Variants in CSGALNACT1 observed in about 807,000 individuals in gnomAD.
CSGALNACT1 encodes beta4GalNAcT-1.
Under a neutral mutation model 51.0 loss-of-function variants are expected in CSGALNACT1, and 52 were observed. That is an observed-to-expected ratio of 1.02 (90% CI 0.82 to 1.29). CSGALNACT1 has a LOEUF of 1.29. CSGALNACT1 is among the 50% of genes most tolerant of loss of function. The pLI, the probability that CSGALNACT1 is intolerant of heterozygous loss-of-function variation, is 0.00. For synonymous variants in CSGALNACT1, 341 were observed against 254.4 expected, an observed-to-expected ratio of 1.34 and a Z score of -3.24; for missense variants, 935 against 679.2, an observed-to-expected ratio of 1.38 and a Z score of -4.19.
chr8:19,603,061 C>T (rs1234824856), upstream of CSGALNACT1, among the ~76,000 whole-genome samples: 13 of 143,954 alleles, frequency 9.0e-5, no homozygotes, highest in African/African-American at 3.5e-4. Context: ...CACACACACA[C>T]ACACACACAC....
intron 5 of CSGALNACT1, among the ~76,000 whole-genome samples, chr8:19,448,842 G>C (rs1427456197): frequency 2.0e-5 from 3 of 152,186 alleles, no homozygotes; most frequent in African/African-American, 4.8e-5. Context: ...ACATGTAAAA[G>C]ACCTGATGTT....
chr8:19,420,296 G>C, intron 7 of CSGALNACT1, 44 bp downstream of exon 6: 2 of 1,596,526 alleles, frequency 1.3e-6, no homozygotes. Context: ...ATGGGCCCGA[G>C]AGGGCTGGGG....
At chr8:19,448,323 A>G (rs1239678815) in intron 5 of CSGALNACT1, among the ~76,000 whole-genome samples, 2 of 152,232 alleles carry the variant, frequency 1.3e-5, no homozygotes, top group African/African-American at 4.8e-5. Flanking sequence ...AGGAAGAGTT[A>G]CAAAGGATGA....
exon 9 of CSGALNACT1, chr8:19,408,644 C>T (rs202161653): frequency 7.4e-6 from 12 of 1,613,842 alleles, no homozygotes; most frequent in Middle Eastern, 1.6e-4. Flanking sequence ...GATACTGACA[C>T]GTCATCCCAA....
intron 5 of CSGALNACT1, among the ~76,000 whole-genome samples, chr8:19,446,220 A>C (rs2062088742): frequency 6.6e-6 from 1 of 152,120 alleles, no homozygotes; most frequent in Non-Finnish European, 1.5e-5. Flanking sequence ...AGAAAGGAGG[A>C]AAATGGTATT....
intron 3 of CSGALNACT1, among the ~76,000 whole-genome samples, chr8:19,584,683 T>C (rs2046263263): frequency 6.6e-6 from 1 of 152,232 alleles, no homozygotes; most frequent in Non-Finnish European, 1.5e-5. Flanking sequence ...TCTAACTGGC[T>C]ATGATATTGT....
intron 1 of CSGALNACT1, among the ~76,000 whole-genome samples, chr8:19,719,786 C>T (rs1055397913): frequency 9.1e-6 from 1 of 109,422 alleles, no homozygotes; most frequent in African/African-American, 3.8e-5. Context: ...TGAGTAGCAC[C>T]CCAATTTTGC....
intron 3 of CSGALNACT1, among the ~76,000 whole-genome samples, chr8:19,523,588 C>T (rs1001985423): frequency 6.6e-6 from 1 of 152,122 alleles, no homozygotes; most frequent in Non-Finnish European, 1.5e-5. Flanking sequence ...ACTATTCACA[C>T]CCAGGCTACA....
intron 1 of CSGALNACT1, among the ~76,000 whole-genome samples, chr8:19,618,570 G>A (rs188852253): frequency 7.9e-6 from 1 of 126,040 alleles, no homozygotes. Context: ...AACCTGGAAG[G>A]GGAATGAGCC....
chr8:19,731,476 C>G (rs1399109918), intron 1 of CSGALNACT1, among the ~76,000 whole-genome samples: 1 of 152,190 alleles, frequency 6.6e-6, no homozygotes, highest in Non-Finnish European at 1.5e-5. Context: ...CCACTGCATT[C>G]TAGCCTGGAC....
intron 3 of CSGALNACT1, among the ~76,000 whole-genome samples, chr8:19,507,616 C>CT (rs2077613057): frequency 6.6e-6 from 1 of 150,382 alleles, no homozygotes; most frequent in Non-Finnish European, 1.5e-5. Flanking sequence ...ATGAAACCTT[C>CT]CTAAATGCAT....
chr8:19,532,452 C>G (rs1352811696), intron 3 of CSGALNACT1, among the ~76,000 whole-genome samples: 1 of 152,160 alleles, frequency 6.6e-6, no homozygotes. Context: ...TTTCTATTCC[C>G]TTAAACATCT....
At chr8:19,624,536 A>T (rs2054209289) in intron 1 of CSGALNACT1, among the ~76,000 whole-genome samples, 2 of 152,138 alleles carry the variant, frequency 1.3e-5, no homozygotes, top group African/African-American at 4.8e-5. Flanking sequence ...CATGCCCCCA[A>T]ATCTCAGTGG....
intron 2 of CSGALNACT1, among the ~76,000 whole-genome samples, chr8:19,599,565 G>T (rs994893555): frequency 6.8e-6 from 1 of 147,696 alleles, no homozygotes; most frequent in Non-Finnish European, 1.5e-5. Context: ...GAAAGGGAAA[G>T]AAAGAAAGAG....
intron 1 of CSGALNACT1, among the ~76,000 whole-genome samples, chr8:19,689,677 T>G (rs2061180434): frequency 6.6e-6 from 1 of 152,190 alleles, no homozygotes; most frequent in Non-Finnish European, 1.5e-5. Flanking sequence ...GCTCTAGGCT[T>G]CAACAGATCC....
chr8:19,639,226 T>C (rs946292445), intron 1 of CSGALNACT1, among the ~76,000 whole-genome samples: 1 of 152,172 alleles, frequency 6.6e-6, no homozygotes, highest in Non-Finnish European at 1.5e-5. Context: ...AATAACAGGC[T>C]TTATGTCCAA....
rs558780248 is a variant in CSGALNACT1 at position 19,564,034 on chromosome 8, T to G, written c.-297+27126A>C. Among the ~76,000 whole-genome samples the G allele has an allele frequency of 5.3e-5, 8 of 152,298 alleles. No homozygotes were observed. The South Asian group carries it at 1.7e-3, about 32-fold the overall frequency. On this transcript the variant is annotated intron_variant, in intron 3 of 9. Coordinates refer to ENST00000454498, the Ensembl canonical transcript of CSGALNACT1. The stretch of plus-strand genomic sequence containing the variant: ...AGATAATCCTTCAGATTTCCACCAC[T>G]GAGCACTGCCCTGTCCTGACTTGAT...
intron 3 of CSGALNACT1, among the ~76,000 whole-genome samples, chr8:19,528,148 GAGGTAGCCTGGCTAA>G (rs1248666149): frequency 6.6e-6 from 1 of 152,128 alleles, no homozygotes; most frequent in African/African-American, 2.4e-5. Context: ...AGAACTGACT[GAGGTAGCCTGGCTAA>G]TTCTGTAGCC....
intron 3 of CSGALNACT1, chr8:19,585,441 G>A (rs2046413415): frequency 6.6e-6 from 1 of 152,186 alleles, no homozygotes. Context: ...TAAACCTACA[G>A]CTACCTGAGC....
Sources: allele counts gnomAD v4.1 joint callset (sites outside exome capture counted in the v4.1 genomes callset), GRCh38; gene constraint gnomAD v4.1.1; transcripts MANE v1.5; gene names NCBI Gene and HGNC (gene_info 2026-07-23, HGNC 2026-07-21).